The following ULK4 variants were observed in gnomAD, a reference collection of about 807,000 sequenced individuals.
ULK4 encodes unc-51 like kinase 4.
A neutral mutation model predicts 160.6 loss-of-function variants in ULK4; 133 were observed. The ratio of observed to expected loss-of-function variants is 0.83; its 90% CI spans 0.72 to 0.96. The LOEUF (loss-of-function observed/expected upper bound fraction) is 0.96. Ranked by LOEUF, ULK4 falls within the 40% of genes least tolerant of loss-of-function variation. The pLI, the probability that ULK4 is intolerant of heterozygous loss-of-function variation, is 0.00. For synonymous variants in ULK4, 534 were observed against 539.8 expected, an observed-to-expected ratio of 0.99 and a Z score of 0.15; for missense variants, 1,580 against 1,499.5, an observed-to-expected ratio of 1.05 and a Z score of -0.89.
chr3:41,852,930 T>C (rs2042252218), intron 17 of ULK4, among the ~76,000 whole-genome samples: 1 of 151,820 alleles, frequency 6.6e-6, no homozygotes, highest in African/African-American at 2.4e-5. Flanking sequence ...GTGAAAAAAA[T>C]CTCCCCTGAG....
intron 20 of ULK4, among the ~76,000 whole-genome samples, chr3:41,792,215 C>T (rs537824895): frequency 1.3e-5 from 2 of 151,968 alleles, no homozygotes; most frequent in Non-Finnish European, 2.9e-5. Context: ...TCTCTATGTC[C>T]ATGTAACAAC....
intron 16 of ULK4, among the ~76,000 whole-genome samples, chr3:41,887,604 G>A (rs1697768296): frequency 6.6e-6 from 1 of 152,182 alleles, no homozygotes; most frequent in African/African-American, 2.4e-5. Context: ...TGAATCACTT[G>A]AGGTCAGAAG....
rs1553654816 is a variant in ULK4, at chr3:41,794,686, A to AC, written c.2011-4844dup. Among the ~76,000 whole-genome samples, 22 of 112,422 alleles carry AC rather than the reference A, an allele frequency of 2.0e-4. 2 individuals carry two copies. Among genetic ancestry groups the AC allele is most frequent in the African/African-American group, 8.3e-4 (20 of 24,160 alleles). 73.8% of individuals were successfully genotyped at this position (112,422 alleles called of 152,430 possible). A position where few individuals can be genotyped will look rare whatever the true frequency, so the allele number is the denominator to read the frequency against. ...AAAAAAAAAAAAAAAAAAAAAAAAA[A>AC]CACAGAAAAAAAAACCACAAACCTG... On this transcript the variant is annotated intron_variant, in intron 20 of 36. Coordinates refer to ENST00000301831, the MANE Select transcript of ULK4 (RefSeq NM_017886.4).
intron 17 of ULK4, among the ~76,000 whole-genome samples, chr3:41,858,397 C>A (rs2042420012): frequency 6.6e-6 from 1 of 151,846 alleles, no homozygotes; most frequent in Non-Finnish European, 1.5e-5. Flanking sequence ...AGTGATCCAC[C>A]TGCCTCGGCC....
intron 27 of ULK4, among the ~76,000 whole-genome samples, chr3:41,689,071 T>C (rs1162405745): frequency 2.0e-5 from 3 of 152,226 alleles, no homozygotes; most frequent in Non-Finnish European, 4.4e-5. Context: ...TAGGATGTCC[T>C]GCTTCTAATG....
intron 34 of ULK4, among the ~76,000 whole-genome samples, chr3:41,438,728 G>A (rs1245023907): frequency 6.6e-6 from 1 of 152,124 alleles, no homozygotes; most frequent in Admixed American, 6.5e-5. Flanking sequence ...TTGGGAGACT[G>A]AGGTGGGAGG....
chr3:41,808,711 A>G (rs970543857), intron 19 of ULK4, among the ~76,000 whole-genome samples: 2 of 152,196 alleles, frequency 1.3e-5, no homozygotes, highest in Non-Finnish European at 2.9e-5. Flanking sequence ...CCTTAACAAA[A>G]AAGTTTTCTG....
At chr3:41,651,260 CTAGCACAGCCAAT>C (rs2034729795) in intron 30 of ULK4, among the ~76,000 whole-genome samples, 1 of 152,186 alleles carries the variant, frequency 6.6e-6, no homozygotes, top group Non-Finnish European at 1.5e-5. Flanking sequence ...GCAGCTAGCA[CTAGCACAGCCAAT>C]TAGCTCCCTC....
At chr3:41,881,686 G>A (rs542906743) in intron 17 of ULK4, among the ~76,000 whole-genome samples, 3 of 152,126 alleles carry the variant, frequency 2.0e-5, no homozygotes, top group South Asian at 4.2e-4. Flanking sequence ...TTCAGTACAC[G>A]CCATTTTTTT....
At chr3:41,758,598 A>C (rs187846223) in intron 21 of ULK4, among the ~76,000 whole-genome samples, 3 of 152,300 alleles carry the variant, frequency 2.0e-5, no homozygotes, top group African/African-American at 7.2e-5. Context: ...TTGAAAAACA[A>C]TAAGTGGCCG....
At position 41,918,479 on chromosome 3, in the gene ULK4, A is replaced by T; in HGVS notation, c.705T>A (p.Asp235Glu). The change falls in exon 7 of 37, where the codon GAT becomes GAA. Residue 235 changes from aspartate to glutamate, a missense_variant. By Grantham distance (45) the Asp-to-Glu change is conservative. Transcript: ENST00000301831. ...SELTEKILCE[D>E]PLPPIPKDSS... ...TACCTTTCGGAATAGGTGGCAAAGGATCTTCACATAAGATCTTTTCAGTTA... is the reference window on the plus strand; with the variant it reads ...TACCTTTCGGAATAGGTGGCAAAGGTTCTTCACATAAGATCTTTTCAGTTA... 2 of 1,583,256 alleles carry T rather than the reference A, an allele frequency of 1.3e-6. No homozygotes were observed. The highest frequency in any genetic ancestry group is 1.7e-6 in the Non-Finnish European group (2 of 1,166,980).
intron 32 of ULK4, among the ~76,000 whole-genome samples, chr3:41,508,638 C>T (rs1413352205): frequency 6.6e-6 from 1 of 152,202 alleles, no homozygotes; most frequent in East Asian, 1.9e-4. Flanking sequence ...AGATGGATCA[C>T]ATCACAGGAC....
intron 12 of ULK4, among the ~76,000 whole-genome samples, chr3:41,901,588 C>G (rs1339503753): frequency 2.7e-5 from 4 of 150,238 alleles, no homozygotes; most frequent in African/African-American, 9.8e-5. Context: ...TGAAGCAATT[C>G]TCCTGCTTCA....
chr3:41,515,610 T>C (rs76544593), intron 32 of ULK4, among the ~76,000 whole-genome samples: 1 of 152,136 alleles, frequency 6.6e-6, no homozygotes, highest in East Asian at 1.9e-4. Context: ...AACAAACACG[T>C]CCTTCTTCAC....
At chr3:41,913,361 G>T (rs1200022435) in intron 8 of ULK4, among the ~76,000 whole-genome samples, 1 of 151,834 alleles carries the variant, frequency 6.6e-6, no homozygotes, top group African/African-American at 2.4e-5. Context: ...GAGTGGCTGG[G>T]ACTACAGGCG....
At chr3:41,293,512 T>C (rs1361065250) in intron 35 of ULK4, among the ~76,000 whole-genome samples, 2 of 152,154 alleles carry the variant, frequency 1.3e-5, no homozygotes, top group East Asian at 1.9e-4. Context: ...TAAATTCCCA[T>C]ACAACATGTT....
At chr3:41,615,821 T>G in intron 30 of ULK4, 104 bp from the exon 31 acceptor site, 2 of 1,001,982 alleles carry the variant, frequency 2.0e-6, no homozygotes, top group South Asian at 3.2e-5. Flanking sequence ...TTGCTAAAAT[T>G]CCATGATAAG....
At chr3:41,545,958 C>G (rs1414961521) in intron 32 of ULK4, among the ~76,000 whole-genome samples, 1 of 152,094 alleles carries the variant, frequency 6.6e-6, no homozygotes, top group Non-Finnish European at 1.5e-5. Context: ...TTTATAGATT[C>G]ATTACTCTGA....
chr3:41,249,626 A>G (rs1293643495), intron 35 of ULK4, 52 bp from the exon 36 acceptor site: 2 of 1,571,296 alleles, frequency 1.3e-6, no homozygotes, highest in Non-Finnish European at 1.7e-6. Context: ...TCCCTGACTC[A>G]TGCCCTGTTG....
Sources: gnomAD v4.1 joint callset for allele counts (sites outside exome capture counted in the v4.1 genomes callset) on GRCh38, gnomAD v4.1.1 for gene constraint, MANE v1.5 for transcripts, NCBI Gene and HGNC (gene_info 2026-07-23, HGNC 2026-07-21) for gene names.